GHRH: variants seen among roughly 807,000 people sequenced by gnomAD.
GHRH encodes the protein somatoliberin.
In GHRH, 7 loss-of-function variants were observed where a neutral mutation model predicts 15.6. That is an observed-to-expected ratio of 0.45 (90% CI 0.26 to 0.84). GHRH has a LOEUF of 0.84. Ranked by LOEUF, GHRH falls within the 40% of genes least tolerant of loss-of-function variation. GHRH has a pLI of 0.18. For synonymous variants in GHRH, 54 were observed against 50.4 expected, an observed-to-expected ratio of 1.07 and a Z score of -0.30; for missense variants, 117 against 138.0, an observed-to-expected ratio of 0.85 and a Z score of 0.76.
At chr20:37,254,363 T>C (rs1312091638) in intron 3 of GHRH, 34 bp from the exon 4 acceptor site, 10 of 1,613,496 alleles carry the variant, frequency 6.2e-6, no homozygotes, top group Admixed American at 1.7e-5. Flanking sequence ...TAGTTGCTAT[T>C]TGGGTAGGAT....
At chr20:37,260,388 C>A (rs1297235623) in intron 1 of GHRH, among the ~76,000 whole-genome samples, 6 of 148,790 alleles carry the variant, frequency 4.0e-5, no homozygotes, top group African/African-American at 1.0e-4. Flanking sequence ...CATGGCGAGA[C>A]CCCATCTCTA....
Position 37,256,493 on chromosome 20 carries a change from C to A in GHRH, c.89G>T (p.Arg30Leu). The change falls in exon 3 of 5, where the codon CGG (arginine) becomes CTG (leucine). Residue 30 changes from arginine to leucine, a missense_variant. Arg to Leu is a moderately radical substitution (Grantham distance 102, BLOSUM62 -2). Coordinates refer to ENST00000373614, the MANE Select transcript of GHRH (RefSeq NM_021081.6). ...GGTGAAGATGGCATCTGCATACCGC[C>A]GCATCCTGTGCGGAAGGAGTCAGGG... ...SPPPPLTLRM[R>L]RYADAIFTNS... 6.2e-7 allele frequency: 1 copy of A among 1,609,838 alleles called. No homozygotes were observed. The highest frequency in any genetic ancestry group is 8.5e-7 in the Non-Finnish European group (1 of 1,177,080).
chr20:37,254,080 G>C, intron 4 of GHRH, 130 bp downstream of exon 4: 2 of 906,994 alleles, frequency 2.2e-6, no homozygotes, highest in Non-Finnish European at 3.5e-6. Context: ...TGTCAGGAGG[G>C]TCCTTGTTCT....
intron 4 of GHRH, among the ~76,000 whole-genome samples, chr20:37,253,684 C>T (rs2068636224): frequency 6.6e-6 from 1 of 152,222 alleles, no homozygotes; most frequent in East Asian, 1.9e-4. Context: ...AGTGATCCTT[C>T]CCCATCAGCC....
chr20:37,256,971 C>T (rs1012459139), intron 1 of GHRH, 63 bp from the exon 2 acceptor site: 2 of 1,021,978 alleles, frequency 2.0e-6, no homozygotes, highest in Non-Finnish European at 3.0e-6. Context: ...CCTTCACTGG[C>T]CCAGCCCTGG....
At position 37,258,642 on chromosome 20, in the gene GHRH, ACTGG is replaced by A. The variant is rs1336215404; in HGVS notation, c.-19-1738_-19-1735del. Among the ~76,000 whole-genome samples, 9 of 152,238 alleles carry A rather than the reference ACTGG, an allele frequency of 5.9e-5. No individual in the cohort carries two copies. The highest frequency in any genetic ancestry group is 1.2e-4 in the Non-Finnish European group (8 of 68,004). On this transcript the variant is annotated intron_variant, in intron 1 of 4. Transcript: ENST00000373614. The surrounding 1 kb of genome is among the most constrained non-coding windows in gnomAD (Gnocchi z 4.1). ...ACATGAGCATCCCCACAACACGCAC[ACTGG>A]CTGTCCTCCACTTCCTGCTCGAGTG...
At chr20:37,253,170 A>G (rs942321511) in intron 4 of GHRH, among the ~76,000 whole-genome samples, 7 of 152,220 alleles carry the variant, frequency 4.6e-5, no homozygotes, top group African/African-American at 9.6e-5. Flanking sequence ...TGGGCCTGCC[A>G]TTCCCTGACT....
chr20:37,253,824 C>T, intron 4 of GHRH, among the ~76,000 whole-genome samples: 1 of 152,198 alleles, frequency 6.6e-6, no homozygotes, highest in South Asian at 2.1e-4. Flanking sequence ...GATCTCAGCT[C>T]ACTGCAACCT....
At chr20:37,253,307 C>T (rs553742893) in intron 4 of GHRH, among the ~76,000 whole-genome samples, 3 of 152,300 alleles carry the variant, frequency 2.0e-5, no homozygotes, top group East Asian at 1.9e-4. Context: ...CGTGTGTCTG[C>T]GCACACTCAT....
Position 37,254,160 on chromosome 20 carries a change from G to A in GHRH, c.308+50C>T, listed in dbSNP as rs1600871047. On this transcript the variant is annotated intron_variant, in intron 4 of 4. Coordinates refer to ENST00000373614, the MANE Select transcript of GHRH (RefSeq NM_021081.6). ...TTTTCCTTTTCCTGGCAAACCACGGGGTAGGAAGCCCTGAAGTCCCTAGAT... is the reference window on the plus strand; with the variant it reads ...TTTTCCTTTTCCTGGCAAACCACGGAGTAGGAAGCCCTGAAGTCCCTAGAT... 3.7e-6 allele frequency: 6 copies of A among 1,607,004 alleles called. No individual in the cohort carries two copies. The East Asian group carries it at 1.3e-4, about 36-fold the overall frequency.
chr20:37,252,465 C>T (rs2068627007), intron 4 of GHRH, among the ~76,000 whole-genome samples: 2 of 152,186 alleles, frequency 1.3e-5, no homozygotes, highest in South Asian at 2.1e-4. Context: ...TGCTTGTGCT[C>T]GCAGTTAAAT....
chr20:37,252,292 A>G (rs1176539511), intron 4 of GHRH, among the ~76,000 whole-genome samples: 1 of 152,136 alleles, frequency 6.6e-6, no homozygotes, highest in East Asian at 1.9e-4. Context: ...CTCTCCTGTC[A>G]TCTGCCGTAG....
intron 3 of GHRH, among the ~76,000 whole-genome samples, chr20:37,255,671 A>AG (rs2044604730): frequency 6.7e-6 from 1 of 149,590 alleles, no homozygotes; most frequent in African/African-American, 2.5e-5. Context: ...AAAAAAAAAA[A>AG]AAAAAAAAAA....
chr20:37,254,544 TAGAG>T (rs1457812139), intron 3 of GHRH, among the ~76,000 whole-genome samples: 5 of 152,120 alleles, frequency 3.3e-5, no homozygotes, highest in African/African-American at 4.8e-5. Flanking sequence ...TTATTAATGA[TAGAG>T]GGAAAAATAA....
chr20:37,257,384 G>A (rs1057142663), intron 1 of GHRH, among the ~76,000 whole-genome samples: 9 of 152,040 alleles, frequency 5.9e-5, no homozygotes, highest in East Asian at 3.9e-4. Context: ...GAGTGGTGGC[G>A]TGTGCCTGTA....
chr20:37,254,291 C>T lies in GHRH; in HGVS notation c.227G>A (p.Gly76Asp), dbSNP rs2068642703. 1.2e-6 allele frequency: 2 copies of T among 1,614,138 alleles called. No homozygotes were observed. The highest frequency in any genetic ancestry group is 1.7e-6 in the Non-Finnish European group (2 of 1,179,954). Residue 76 changes from glycine to aspartate, a missense_variant, in exon 4 of 5, where the codon GGT (glycine) becomes GAT (aspartate). Coordinates refer to ENST00000373614, the MANE Select transcript of GHRH (RefSeq NM_021081.6). ...TGCCCACATGCTGTCTACCTGACGA[C>T]CAAGCCGTGCCCTTGCTCCTCGCTC... ...NQERGARARL[G>D]RQVDSMWAEQ...
chr20:37,252,068 G>A (rs1194226870), intron 4 of GHRH, among the ~76,000 whole-genome samples: 1 of 152,200 alleles, frequency 6.6e-6, no homozygotes, highest in African/African-American at 2.4e-5. Context: ...GCCATAGCAG[G>A]TGAACAATTA....
intron 1 of GHRH, among the ~76,000 whole-genome samples, chr20:37,257,196 T>C (rs1226294140): frequency 6.6e-6 from 1 of 152,034 alleles, no homozygotes; most frequent in African/African-American, 2.4e-5. Flanking sequence ...AGTAGGGAAA[T>C]TTCCCCTTGC....
intron 1 of GHRH, among the ~76,000 whole-genome samples, chr20:37,261,537 C>T (rs1274098035): frequency 1.3e-5 from 2 of 152,222 alleles, no homozygotes; most frequent in Non-Finnish European, 2.9e-5. Flanking sequence ...CAAGTTAAGA[C>T]AAGCCCCAAA....
Sources: allele counts gnomAD v4.1 joint callset (sites outside exome capture counted in the v4.1 genomes callset), GRCh38; gene constraint gnomAD v4.1.1; non-coding constraint Gnocchi (gnomAD v3.1); transcripts MANE v1.5; gene names NCBI Gene and HGNC (gene_info 2026-07-23, HGNC 2026-07-21).